The following LRP8 variants were observed in gnomAD, a reference collection of about 807,000 sequenced individuals.
LRP8 encodes low-density lipoprotein receptor-related protein 8.
LRP8 carries 46 observed loss-of-function variants against 111.6 expected under a neutral mutation model. That is an observed-to-expected ratio of 0.41 (90% CI 0.33 to 0.53). LRP8 has a LOEUF of 0.53. LRP8 is among the 20% of genes least tolerant of loss of function. The probability of loss-of-function intolerance (pLI) is 0.20; values close to 1 mark genes in which losing one functional copy is unlikely to be tolerated. For synonymous variants in LRP8, 464 were observed against 511.2 expected (o/e 0.91, Z 1.24); for missense variants, 959 against 1,297.4 (o/e 0.74, Z 4.01).
At chr1:53,271,394 G>T in intron 6 of LRP8, 48 bp from the exon 7 acceptor site, 1 of 1,611,724 alleles carries the variant, frequency 6.2e-7, no homozygotes, top group African/African-American at 1.3e-5. Flanking sequence ...CAGGAGGAGT[G>T]GGGGCAGGGC....
chr1:53,309,874 T>C (rs113581429), intron 2 of LRP8, among the ~76,000 whole-genome samples: 14 of 152,128 alleles, frequency 9.2e-5, no homozygotes, highest in African/African-American at 2.9e-4. Flanking sequence ...GTTATTCATA[T>C]GAATGGGAGG....
At position 53,294,392 on chromosome 1, in the gene LRP8, A is replaced by G. The variant is rs1649309316; in HGVS notation, c.245-4703T>C. Among the ~76,000 whole-genome samples, 3 of 152,202 alleles carry G rather than the reference A, an allele frequency of 2.0e-5. No individual in the cohort carries two copies. In the South Asian group the frequency reaches 6.2e-4, roughly 32 times the overall value. Reference sequence around the variant, plus strand: ...GAAGTGGGAAATGCTATTTATAACAAGAACACGGGCCAAGGAAAGTGCCAG... The same window carrying G: ...GAAGTGGGAAATGCTATTTATAACAGGAACACGGGCCAAGGAAAGTGCCAG... On this transcript the variant is annotated intron_variant, in intron 2 of 18. Coordinates refer to ENST00000306052, the MANE Select transcript of LRP8 (RefSeq NM_004631.5). This position sits in a 1 kb window ranked among gnomAD's most constrained non-coding sequence, Gnocchi z 4.1.
intron 4 of LRP8, among the ~76,000 whole-genome samples, chr1:53,278,557 C>T (rs1424947560): frequency 6.6e-6 from 1 of 152,210 alleles, no homozygotes; most frequent in Non-Finnish European, 1.5e-5. Flanking sequence ...TACCAAGTGT[C>T]TGACAGTTGA....
chr1:53,272,701 G>GGCCCA, intron 6 of LRP8: 2 of 1,286,468 alleles, frequency 1.6e-6, no homozygotes, highest in Non-Finnish European at 1.0e-6. Flanking sequence ...GACTCAGCCA[G>GGCCCA]GCCCAGCCCT....
At chr1:53,280,384 T>C (rs1176755050) in intron 4 of LRP8, among the ~76,000 whole-genome samples, 2 of 152,226 alleles carry the variant, frequency 1.3e-5, no homozygotes, top group Non-Finnish European at 2.9e-5. Context: ...GGGATGATAA[T>C]GGCTGCTCAT....
chr1:53,284,239 C>CGGGCCACTTACTTACTACATACCT (rs1572540438), intron 3 of LRP8, among the ~76,000 whole-genome samples: 2 of 148,202 alleles, frequency 1.3e-5, no homozygotes, highest in East Asian at 4.2e-4. Flanking sequence ...ACTACATACC[C>CGGGCCACTTACTTACTACATACCT]GGGCCACTTA....
intron 13 of LRP8, among the ~76,000 whole-genome samples, chr1:53,259,251 A>G (rs1178420391): frequency 6.6e-6 from 1 of 152,140 alleles, no homozygotes; most frequent in Non-Finnish European, 1.5e-5. Flanking sequence ...AGCTGGAACT[A>G]TAGGCGCATG....
Position 53,262,329 on chromosome 1 carries a change from A to G in LRP8, c.1774+117T>C. On this transcript the variant is annotated intron_variant, in intron 11 of 18. Transcript: ENST00000306052. This position sits in a 1 kb window ranked among gnomAD's most constrained non-coding sequence, Gnocchi z 4.8. ...CTGAGGCCAGCCTACGGCAACCATT[A>G]GGAAACAAAGTCACTGGCACCATGA... 2 of 1,520,536 alleles carry G rather than the reference A, an allele frequency of 1.3e-6. No homozygotes were observed. The highest frequency in any genetic ancestry group is 1.2e-5 in the South Asian group (1 of 86,000). The allele number at this position is 1,520,536 out of a possible 1,614,324, so 94.2% of individuals were successfully genotyped here.
intron 8 of LRP8, among the ~76,000 whole-genome samples, chr1:53,268,860 A>G (rs1646669596): frequency 6.6e-6 from 1 of 151,946 alleles, no homozygotes; most frequent in African/African-American, 2.4e-5. Context: ...TCCACTTTTC[A>G]TTATTCCCAC....
chr1:53,295,321 G>A (rs1649497657), intron 2 of LRP8, among the ~76,000 whole-genome samples: 2 of 152,208 alleles, frequency 1.3e-5, no homozygotes, highest in African/African-American at 4.8e-5. Context: ...GTGACCATTA[G>A]GGGCTGGGGA....
chr1:53,274,931 C>T, intron 6 of LRP8: 1 of 435,704 alleles, frequency 2.3e-6, no homozygotes, highest in Non-Finnish European at 4.7e-6. Context: ...CCTCACAGGT[C>T]CCTGGAGGGT....
intron 12 of LRP8, among the ~76,000 whole-genome samples, chr1:53,261,787 G>A (rs1202105805): frequency 6.6e-6 from 1 of 152,220 alleles, no homozygotes; most frequent in Non-Finnish European, 1.5e-5. Context: ...AGTGCTGGGT[G>A]CTGAGGGCAC....
Position 53,266,423 on chromosome 1 carries a change from C to T in LRP8, c.1427+50G>A, listed in dbSNP as rs753273452. The T allele has an allele frequency of 5.7e-6, 9 of 1,590,532 alleles. No homozygotes were observed. Among genetic ancestry groups the T allele is most frequent in the Non-Finnish European group, 7.7e-6 (9 of 1,162,750 alleles). ...CTCCTCCCCTCCTCACCTGTCACCA[C>T]CCCTCACCCCCACTCTTCATGCCTT... is the stretch of plus-strand genomic sequence containing the variant. On this transcript the variant is annotated intron_variant, in intron 9 of 18. Transcript: ENST00000306052. The surrounding 1 kb of genome is among the most constrained non-coding windows in gnomAD (Gnocchi z 5.0).
chr1:53,276,403 C>T, intron 5 of LRP8, among the ~76,000 whole-genome samples: 1 of 113,832 alleles, frequency 8.8e-6, no homozygotes, highest in Non-Finnish European at 1.7e-5. Flanking sequence ...TGCCAGGTTT[C>T]TGGGTGGAGG....
intron 2 of LRP8, among the ~76,000 whole-genome samples, chr1:53,299,605 G>C (rs1476536694): frequency 6.6e-6 from 1 of 152,164 alleles, no homozygotes; most frequent in Non-Finnish European, 1.5e-5. Context: ...GTCATCCAGG[G>C]AGCCTCTGCC....
At chr1:53,299,578 C>A (rs35423826) in intron 2 of LRP8, among the ~76,000 whole-genome samples, 31,002 of 152,148 alleles carry the variant, frequency 0.2, 4,024 homozygotes, top group East Asian at 0.59. Flanking sequence ...CTCTCTGCCA[C>A]CCCCAGCCTC....
At chr1:53,278,755 C>CTTT (rs139298983) in intron 4 of LRP8, among the ~76,000 whole-genome samples, 2 of 135,698 alleles carry the variant, frequency 1.5e-5, no homozygotes, top group Non-Finnish European at 3.1e-5. Flanking sequence ...ATGGGAAGTG[C>CTTT]TTTTTTTTTT....
intron 18 of LRP8, among the ~76,000 whole-genome samples, chr1:53,248,334 C>T (rs1319247194): frequency 6.6e-6 from 1 of 152,190 alleles, no homozygotes; most frequent in Non-Finnish European, 1.5e-5. Flanking sequence ...GCTACCCTCC[C>T]ACTCTCTCTA....
chr1:53,250,766 C>T lies in LRP8; in HGVS notation c.2600G>A (p.Arg867Lys). 6.2e-7 allele frequency: 1 copy of T among 1,614,166 alleles called. No homozygotes were observed. The highest frequency in any genetic ancestry group is 2.2e-5 in the East Asian group (1 of 44,886). ...TTCGTCTTCTTCTTCTGTTGTTTTC[C>T]TGTAGACTGGGTTGTCAAAATTCAT... Reference protein sequence around the residue: ...KSMNFDNPVYRKTTEEEDEDE... With the variant: ...KSMNFDNPVYKKTTEEEDEDE... The change falls in exon 17 of 19, where the codon AGG (arginine) becomes AAG (lysine). Residue 867 changes from arginine to lysine, a missense_variant. Coordinates refer to ENST00000306052, the MANE Select transcript of LRP8 (RefSeq NM_004631.5). This position sits in a 1 kb window ranked among gnomAD's most constrained non-coding sequence, Gnocchi z 4.6.
Sources: allele counts gnomAD v4.1 joint callset (sites outside exome capture counted in the v4.1 genomes callset), GRCh38; gene constraint gnomAD v4.1.1; non-coding constraint Gnocchi (gnomAD v3.1); transcripts MANE v1.5; gene names NCBI Gene and HGNC (gene_info 2026-07-23, HGNC 2026-07-21).